The following RGS6 variants were observed in gnomAD, a reference collection of about 807,000 sequenced individuals.
RGS6 encodes the protein regulator of G protein signaling 6.
Under a neutral mutation model 78.5 loss-of-function variants are expected in RGS6, and 30 were observed. The ratio of observed to expected loss-of-function variants is 0.38; its 90% CI spans 0.29 to 0.52. The LOEUF (loss-of-function observed/expected upper bound fraction) is 0.52, where lower values mean the gene tolerates loss of function less well. Among genes scored for constraint, RGS6 ranks in the 20% least tolerant of loss-of-function variants. The pLI, the probability that RGS6 is intolerant of heterozygous loss-of-function variation, is 0.85. For synonymous variants in RGS6, 206 were observed against 206.0 expected (o/e 1.00, Z 0.00); for missense variants, 495 against 609.7 (o/e 0.81, Z 1.98).
rs1460074619 is a variant in RGS6, at chr14:72,430,384, G to A, written c.185-24144G>A. On this transcript the variant is annotated intron_variant, in intron 3 of 17. Transcript: ENST00000553525. ...TTCTCCCCGATTCACATTCACAAAA[G>A]CCCAAGAATGTTATGGCTGATCAAG... Among the ~76,000 whole-genome samples the A allele has an allele frequency of 2.0e-5, 3 of 152,128 alleles. No individual in the cohort carries two copies. In the East Asian group the frequency reaches 5.8e-4, roughly 29 times the overall value.
At chr14:71,907,383 G>C in the RGS6 span, among the ~76,000 whole-genome samples, 4 of 152,170 alleles carry the variant, frequency 2.6e-5, no homozygotes, top group African/African-American at 9.7e-5. Context: ...AAGAGGGGAA[G>C]ACGGAACATG....
At position 72,504,300 on chromosome 14, in the gene RGS6, T is replaced by G. The variant is rs570447039; in HGVS notation, c.966-5854T>G. On this transcript the variant is annotated intron_variant, in intron 13 of 17. Coordinates refer to ENST00000553525, the MANE Select transcript of RGS6 (RefSeq NM_001204424.2). ...AGATCTTCAGGTTCTGGTTTCTTTTTGTGCTTAACAATTCTGTCTTTAAGT... is the reference window on the plus strand; with the variant it reads ...AGATCTTCAGGTTCTGGTTTCTTTTGGTGCTTAACAATTCTGTCTTTAAGT... 2.0e-5 allele frequency among the ~76,000 whole-genome samples: 3 copies of G among 152,396 alleles called. No individual in the cohort carries two copies. The South Asian group carries it at 6.2e-4, about 32-fold the overall frequency.
At chr14:71,982,073 C>T (rs2094492386) in intron 2 of RGS6, among the ~76,000 whole-genome samples, 1 of 152,278 alleles carries the variant, frequency 6.6e-6, no homozygotes, top group South Asian at 2.1e-4. Context: ...TCACCCCTTT[C>T]TTTGACTAGG....
the RGS6 span, among the ~76,000 whole-genome samples, chr14:72,608,294 C>A: frequency 6.6e-6 from 1 of 152,154 alleles, no homozygotes; most frequent in African/African-American, 2.4e-5. Flanking sequence ...TCTTAACTTG[C>A]AGCCTCAGGA....
intron 3 of RGS6, among the ~76,000 whole-genome samples, chr14:72,385,919 A>G (rs886883815): frequency 6.6e-6 from 1 of 152,210 alleles, no homozygotes; most frequent in African/African-American, 2.4e-5. Flanking sequence ...AGCTAATATC[A>G]CATGTTGACC....
chr14:72,465,437 G>A (rs926542377), intron 6 of RGS6, among the ~76,000 whole-genome samples: 5 of 47,540 alleles, frequency 1.1e-4, no homozygotes, highest in African/African-American at 2.9e-4. Context: ...GGGGTCATGA[G>A]GTCCACTTAG....
chr14:72,021,732 A>G lies in RGS6; in HGVS notation c.84+56857A>G, dbSNP rs900747328. On this transcript the variant is annotated intron_variant, in intron 2 of 17. Transcript: ENST00000553525. ...GGTGAGCCACCCTCCTCGGCCTCCC[A>G]TAGTGCTGGGATTACAGGTGTGGGC... Among the ~76,000 whole-genome samples the G allele has an allele frequency of 7.9e-5, 12 of 151,654 alleles. 1 individual carries two copies. In the South Asian group the frequency reaches 2.3e-3, roughly 29 times the overall value.
intron 12 of RGS6, among the ~76,000 whole-genome samples, chr14:72,482,273 C>T (rs1426139566): frequency 2.6e-5 from 4 of 152,110 alleles, no homozygotes; most frequent in Non-Finnish European, 5.9e-5. Flanking sequence ...TTATAAGGTG[C>T]CCTGCTTCCC....
intron 3 of RGS6, among the ~76,000 whole-genome samples, chr14:72,428,010 G>A (rs1298731370): frequency 2.0e-5 from 3 of 152,136 alleles, no homozygotes; most frequent in Admixed American, 6.5e-5. Flanking sequence ...AAGAACAAAG[G>A]GCATTGGAAA....
At chr14:71,945,969 A>G (rs1283032408) in intron 1 of RGS6, among the ~76,000 whole-genome samples, 7 of 152,184 alleles carry the variant, frequency 4.6e-5, no homozygotes, top group Middle Eastern at 3.2e-3. Context: ...TTAAACTTCT[A>G]TGGAAATGCT....
intron 3 of RGS6, among the ~76,000 whole-genome samples, chr14:72,439,257 T>G (rs979698544): frequency 1.3e-5 from 2 of 152,210 alleles, no homozygotes; most frequent in Non-Finnish European, 2.9e-5. Context: ...CATTCCCCAC[T>G]TCAGCACAGA....
intron 2 of RGS6, among the ~76,000 whole-genome samples, chr14:72,113,063 T>TAC (rs367599502): frequency 4.8e-4 from 67 of 139,800 alleles, no homozygotes; most frequent in Admixed American, 7.5e-4. Context: ...TTCCTACACT[T>TAC]ACACACACAC....
At chr14:71,928,988 CATTTTG>C (rs1382728358), upstream of RGS6, among the ~76,000 whole-genome samples, 1 of 152,160 alleles carries the variant, frequency 6.6e-6, no homozygotes, top group Non-Finnish European at 1.5e-5. Context: ...TTTAACCTTT[CATTTTG>C]AAATAATGTT....
At chr14:71,944,228 C>A (rs914760833) in intron 1 of RGS6, among the ~76,000 whole-genome samples, 2 of 152,194 alleles carry the variant, frequency 1.3e-5, no homozygotes, top group African/African-American at 4.8e-5. Context: ...GTGGGCTGAT[C>A]TTACAAAATA....
rs2153793059 is a variant in RGS6 at position 72,222,152 on chromosome 14, T to C, written c.85-129943T>C. On this transcript the variant is annotated intron_variant, in intron 2 of 17. Transcript: ENST00000553525. ...TAATACATTTACATAGACGATTTTA[T>C]GAATCAGCATCTCTGTCTGAGCTTA... Among the ~76,000 whole-genome samples the C allele has an allele frequency of 2.0e-5, 3 of 152,356 alleles. No individual in the cohort carries two copies. In the South Asian group the frequency reaches 6.2e-4, roughly 32 times the overall value.
the RGS6 span, among the ~76,000 whole-genome samples, chr14:72,620,453 T>C: frequency 1.3e-5 from 2 of 152,220 alleles, no homozygotes; most frequent in South Asian, 4.1e-4. Flanking sequence ...TCAGAACCTC[T>C]TCAGGGTTTC....
upstream of RGS6, among the ~76,000 whole-genome samples, chr14:71,931,572 T>G (rs1488235528): frequency 2.6e-5 from 4 of 152,306 alleles, no homozygotes; most frequent in Admixed American, 2.0e-4. Flanking sequence ...CAAGTATTTT[T>G]CCCCTTTTCT....
At chr14:72,195,177 C>T (rs556940795) in intron 2 of RGS6, among the ~76,000 whole-genome samples, 64 of 151,738 alleles carry the variant, frequency 4.2e-4, no homozygotes, top group African/African-American at 8.5e-4. Context: ...CACTGCACTC[C>T]GGCCTGGGCG....
intron 2 of RGS6, among the ~76,000 whole-genome samples, chr14:72,002,236 C>A (rs1484241719): frequency 6.6e-6 from 1 of 152,052 alleles, no homozygotes; most frequent in African/African-American, 2.4e-5. Context: ...GAGATAGGCA[C>A]CCCAAGTAGG....
Sources: allele counts gnomAD v4.1 joint callset (sites outside exome capture counted in the v4.1 genomes callset), GRCh38; gene constraint gnomAD v4.1.1; transcripts MANE v1.5; gene names NCBI Gene and HGNC (gene_info 2026-07-23, HGNC 2026-07-21).